The following PCDHGA5 variants were observed in gnomAD, a reference collection of about 807,000 sequenced individuals.
PCDHGA5 encodes protocadherin gamma-A5.
Under a neutral mutation model 56.7 loss-of-function variants are expected in PCDHGA5, and 36 were observed. The ratio of observed to expected loss-of-function variants is 0.64; its 90% CI spans 0.49 to 0.84. PCDHGA5 has a LOEUF of 0.84. PCDHGA5 is among the 40% of genes least tolerant of loss of function. PCDHGA5 has a pLI of 0.00. For synonymous variants in PCDHGA5, 563 were observed against 520.2 expected (o/e 1.08, Z -1.12); for missense variants, 1,305 against 1,201.5 (o/e 1.09, Z -1.27).
intron 1 of PCDHGA5, chr5:141,371,904 T>C: frequency 2.5e-6 from 4 of 1,613,398 alleles, no homozygotes; most frequent in Non-Finnish European, 3.4e-6. Flanking sequence ...GCTGTCGTCC[T>C]ACGTGTCCGT....
At chr5:141,470,602 G>A (rs1004044883) in intron 1 of PCDHGA5, among the ~76,000 whole-genome samples, 1 of 152,268 alleles carries the variant, frequency 6.6e-6, no homozygotes, top group South Asian at 2.1e-4. Flanking sequence ...ACCTGTGCGG[G>A]GACACAGGGC....
At chr5:141,442,205 A>G (rs2098308049) in intron 1 of PCDHGA5, 1 of 153,214 alleles carries the variant, frequency 6.5e-6, no homozygotes, top group Admixed American at 6.5e-5. Context: ...ATATCTGGTG[A>G]TTGCCTTAGC....
At chr5:141,478,338 C>T in intron 1 of PCDHGA5, 2 of 1,613,936 alleles carry the variant, frequency 1.2e-6, no homozygotes, top group South Asian at 1.1e-5. Flanking sequence ...CCAGGGCCCT[C>T]CTTGCACGCG....
intron 1 of PCDHGA5, chr5:141,403,277 C>G (rs2094385466): frequency 6.2e-7 from 1 of 1,613,750 alleles, no homozygotes; most frequent in Admixed American, 1.7e-5. Context: ...CTTTAAAGTC[C>G]TGGTTGAAGA....
chr5:141,490,065 C>A lies in PCDHGA5; in HGVS notation c.2422-4742C>A, dbSNP rs1161257597. ...CTGATCCAGACGAGGGCACCAACGG[C>A]CAACTAGACTATTCTTTTGGAGACC... On this transcript the variant is annotated intron_variant, in intron 1 of 3. Coordinates refer to ENST00000518069, the MANE Select transcript of PCDHGA5 (RefSeq NM_018918.3). This position sits in a 1 kb window ranked among gnomAD's most constrained non-coding sequence, Gnocchi z 5.4. 1 of 1,614,258 alleles carries A rather than the reference C, an allele frequency of 6.2e-7. No individual in the cohort carries two copies. Among genetic ancestry groups the A allele is most frequent in the South Asian group, 1.1e-5 (1 of 91,090 alleles).
At chr5:141,398,764 A>G in intron 1 of PCDHGA5, 2 of 1,613,924 alleles carry the variant, frequency 1.2e-6, no homozygotes, top group East Asian at 4.5e-5. Context: ...TTTAGTCCTG[A>G]CTGCCTTGGA....
intron 3 of PCDHGA5, among the ~76,000 whole-genome samples, chr5:141,509,398 G>A (rs1218925417): frequency 6.6e-6 from 1 of 152,106 alleles, no homozygotes; most frequent in Admixed American, 6.5e-5. Context: ...GGATCTCAGG[G>A]CCTCCAGCAG....
At position 141,432,995 on chromosome 5, in the gene PCDHGA5, G is replaced by A. The variant is rs576866505; in HGVS notation, c.2422-61812G>A. On this transcript the variant is annotated intron_variant, in intron 1 of 3. Transcript: ENST00000518069. This position sits in a 1 kb window ranked among gnomAD's most constrained non-coding sequence, Gnocchi z 6.0. ...GTCGCACTTTGTGGGCGTGGACGGGGTGCAGGCTTTCCTGCAGACCTATTC... is the reference window on the plus strand; with the variant it reads ...GTCGCACTTTGTGGGCGTGGACGGGATGCAGGCTTTCCTGCAGACCTATTC... The A allele has an allele frequency of 1.2e-6, 2 of 1,614,226 alleles. No individual in the cohort carries two copies. The highest frequency in any genetic ancestry group is 3.3e-5 in the Admixed American group (2 of 60,028).
At position 141,490,406 on chromosome 5, in the gene PCDHGA5, T is replaced by G; in HGVS notation, c.2422-4401T>G. On this transcript the variant is annotated intron_variant, in intron 1 of 3. Transcript: ENST00000518069. This position sits in a 1 kb window ranked among gnomAD's most constrained non-coding sequence, Gnocchi z 5.4. ...AGAAATGGTGAAGTGAGCCTTGATA[T>G]CTCTCCGGACCTGCCATTTCAGATT... is the stretch of plus-strand genomic sequence containing the variant. The G allele has an allele frequency of 1.9e-6, 3 of 1,614,112 alleles. No individual in the cohort carries two copies. Among genetic ancestry groups the G allele is most frequent in the Non-Finnish European group, 2.5e-6 (3 of 1,180,020 alleles).
At position 141,431,556 on chromosome 5, in the gene PCDHGA5, C is replaced by G. The variant is rs1561853752; in HGVS notation, c.2422-63251C>G. ...GGCACGCAGCTGCTTGTAGTCAACGCTACCGACCCTGACGAAGGAGTCAAT... is the reference window on the plus strand; with the variant it reads ...GGCACGCAGCTGCTTGTAGTCAACGGTACCGACCCTGACGAAGGAGTCAAT... On this transcript the variant is annotated intron_variant, in intron 1 of 3. Transcript: ENST00000518069. The surrounding 1 kb of genome is among the most constrained non-coding windows in gnomAD (Gnocchi z 4.8). 3 of 1,614,138 alleles carry G rather than the reference C, an allele frequency of 1.9e-6. No individual in the cohort carries two copies. The highest frequency in any genetic ancestry group is 2.5e-6 in the Non-Finnish European group (3 of 1,180,022).
intron 1 of PCDHGA5, among the ~76,000 whole-genome samples, chr5:141,453,827 C>T (rs2098775483): frequency 6.6e-6 from 1 of 152,320 alleles, no homozygotes; most frequent in South Asian, 2.1e-4. Flanking sequence ...AACTTGGCTG[C>T]TAGCCCTTCA....
At chr5:141,468,877 T>C (rs1321110515) in intron 1 of PCDHGA5, among the ~76,000 whole-genome samples, 2 of 149,546 alleles carry the variant, frequency 1.3e-5, no homozygotes, top group African/African-American at 4.9e-5. Context: ...AAAATAATAA[T>C]AATAATAATA....
At chr5:141,470,428 T>A (rs974038419) in intron 1 of PCDHGA5, among the ~76,000 whole-genome samples, 1 of 152,254 alleles carries the variant, frequency 6.6e-6, no homozygotes, top group Non-Finnish European at 1.5e-5. Flanking sequence ...TTTTTCCTTG[T>A]GTGCAATAAT....
intron 1 of PCDHGA5, chr5:141,420,199 C>G (rs764130526): frequency 6.2e-7 from 1 of 1,613,362 alleles, no homozygotes; most frequent in Non-Finnish European, 8.5e-7. Flanking sequence ...CACAAGATAA[C>G]CTCAACAAAG....
chr5:141,393,902 G>A, intron 1 of PCDHGA5: 2 of 1,613,968 alleles, frequency 1.2e-6, no homozygotes, highest in Non-Finnish European at 8.5e-7. Context: ...CTCTTCCCGG[G>A]ACAGTAATTG....
intron 1 of PCDHGA5, chr5:141,484,931 A>G (rs940135310): frequency 1.4e-5 from 7 of 497,998 alleles, no homozygotes; most frequent in Non-Finnish European, 2.5e-5. Flanking sequence ...TGCTGTTGGG[A>G]CGTTCTCTGC....
intron 1 of PCDHGA5, chr5:141,410,723 T>G: frequency 7.2e-7 from 1 of 1,391,168 alleles, no homozygotes; most frequent in Non-Finnish European, 9.6e-7. Context: ...ATGTTTAAAA[T>G]CCATAGCTTT....
At chr5:141,400,665 G>C (rs1463001564) in intron 1 of PCDHGA5, 5 of 984,364 alleles carry the variant, frequency 5.1e-6, no homozygotes, top group Non-Finnish European at 7.6e-6. Flanking sequence ...CATTCTTTAA[G>C]AGGAGCAGTA....
intron 1 of PCDHGA5, chr5:141,423,309 G>T (rs1401836240): frequency 6.2e-7 from 1 of 1,614,176 alleles, no homozygotes; most frequent in South Asian, 1.1e-5. Context: ...CGCTGTACTT[G>T]GTGGTGGCGG....
Sources: gnomAD v4.1 joint callset for allele counts (sites outside exome capture counted in the v4.1 genomes callset) on GRCh38, gnomAD v4.1.1 for gene constraint, Gnocchi (gnomAD v3.1) non-coding constraint, MANE v1.5 for transcripts, NCBI Gene and HGNC (gene_info 2026-07-23, HGNC 2026-07-21) for gene names.